NOM1: variants seen among roughly 807,000 people sequenced by gnomAD.
NOM1 encodes nucleolar protein with MIF4G domain 1.
NOM1 carries 58 observed loss-of-function variants against 73.3 expected under a neutral mutation model. The ratio of observed to expected loss-of-function variants is 0.79; its 90% confidence interval spans 0.64 to 0.99. The LOEUF is 0.99. NOM1 is among the 50% of genes least tolerant of loss of function. The pLI, the probability that NOM1 is intolerant of heterozygous loss-of-function variation, is 0.00. For synonymous variants in NOM1, 487 were observed against 446.8 expected, an observed-to-expected ratio of 1.09 and a Z score of -1.14; for missense variants, 1,226 against 1,131.9, an observed-to-expected ratio of 1.08 and a Z score of -1.19.
chr7:156,971,339 G>A lies in NOM1; in HGVS notation c.*1636G>A, dbSNP rs1006710402. 6.6e-6 allele frequency: 1 copy of A among 152,264 alleles called. No individual in the cohort carries two copies. Among genetic ancestry groups the A allele is most frequent in the African/African-American group, 2.4e-5 (1 of 41,468 alleles). 9.4% of individuals were successfully genotyped at this position (152,264 alleles called of 1,614,324 possible). A position where few individuals can be genotyped will look rare whatever the true frequency, so the allele number is the denominator to read the frequency against. On this transcript the variant is annotated 3_prime_UTR_variant, in exon 11 of 11. Transcript: ENST00000275820. Reference sequence around the variant, plus strand: ...TGGGCAGATGGGCACAGGTGCTGGTGATGCCTCTCCTGGGCAAAACGCCCC... The same window carrying A: ...TGGGCAGATGGGCACAGGTGCTGGTAATGCCTCTCCTGGGCAAAACGCCCC...
intron 3 of NOM1, among the ~76,000 whole-genome samples, chr7:156,955,693 C>T (rs980762883): frequency 6.6e-6 from 1 of 152,214 alleles, no homozygotes; most frequent in African/African-American, 2.4e-5. Context: ...GCAGGCAAAG[C>T]CGCTGAAGCG....
At chr7:156,966,844 A>T in intron 8 of NOM1, 117 bp from the exon 9 acceptor site, 1 of 1,117,854 alleles carries the variant, frequency 8.9e-7, no homozygotes, top group Non-Finnish European at 1.3e-6. Flanking sequence ...AAAAGTCTTG[A>T]TGTTTAGAAT....
At chr7:156,962,033 T>C (rs1804876013) in intron 4 of NOM1, 118 bp from the exon 5 acceptor site, 1 of 778,892 alleles carries the variant, frequency 1.3e-6, no homozygotes, top group Non-Finnish European at 2.3e-6. Context: ...CTGTCCTGAC[T>C]TTGTATCGTG....
At position 156,959,970 on chromosome 7, in the gene NOM1, C is replaced by T. The variant is rs1173827855; in HGVS notation, c.1428C>T (p.His476=). The T allele has an allele frequency of 2.5e-6, 4 of 1,613,486 alleles. No homozygotes were observed. The highest frequency in any genetic ancestry group is 2.5e-6 in the Non-Finnish European group (3 of 1,179,794). Residue 476 remains histidine, a synonymous_variant, in exon 4 of 11, where the codon CAC becomes CAT. Coordinates refer to ENST00000275820, the MANE Select transcript of NOM1 (RefSeq NM_138400.2). The part of the protein sequence containing the change: ...FTVIAHLYNF[H]VVQSLLIFDI... ...TCATTGCCCATTTATACAACTTCCA[C>T]GTGGTACAGTCTCTCCTCATCTTCG...
intron 3 of NOM1, among the ~76,000 whole-genome samples, chr7:156,957,285 A>G (rs977178561): frequency 2.6e-5 from 4 of 152,194 alleles, no homozygotes; most frequent in Non-Finnish European, 4.4e-5. Context: ...AAGTCCTTTA[A>G]AACTCAAAAA....
At chr7:156,969,464 C>A in intron 10 of NOM1, 65 bp from the exon 11 acceptor site, 1 of 1,376,690 alleles carries the variant, frequency 7.3e-7, no homozygotes, top group Non-Finnish European at 1.0e-6. Context: ...ATGCGAGATA[C>A]CCAGGATTGA....
At chr7:156,966,156 G>T in intron 7 of NOM1, 114 bp from the exon 8 acceptor site, 1 of 1,347,438 alleles carries the variant, frequency 7.4e-7, no homozygotes, top group Non-Finnish European at 1.0e-6. Context: ...CCTCCTTTAC[G>T]TGGCTCGCCT....
At chr7:156,952,675 A>G in intron 2 of NOM1, 77 bp downstream of exon 2, 1 of 1,480,130 alleles carries the variant, frequency 6.8e-7, no homozygotes, top group Non-Finnish European at 9.3e-7. Flanking sequence ...TATCCCAGCA[A>G]TTCAAATAGA....
chr7:156,950,492 A>C lies in NOM1; in HGVS notation c.755A>C (p.Glu252Ala). 1 of 1,613,986 alleles carries C rather than the reference A, an allele frequency of 6.2e-7. No homozygotes were observed. The highest frequency in any genetic ancestry group is 8.5e-7 in the Non-Finnish European group (1 of 1,179,886). ...CAGACACTCCCCGAAAGTGACTTAG[A>C]GAGTGACTCCCAGGACGAAAGTGAG... ...AGQTLPESDL[E>A]SDSQDESEEE... Residue 252 changes from glutamate (E) to alanine (A), a missense_variant, in exon 1 of 11, where the codon GAG becomes GCG. By Grantham distance (107) the Glu-to-Ala change is moderately radical. Coordinates refer to ENST00000275820, the MANE Select transcript of NOM1 (RefSeq NM_138400.2).
chr7:156,950,134 G>C lies in NOM1; in HGVS notation c.397G>C (p.Ala133Pro). 2.5e-6 allele frequency: 4 copies of C among 1,569,828 alleles called. No homozygotes were observed. The highest frequency in any genetic ancestry group is 3.4e-6 in the Non-Finnish European group (4 of 1,161,298). ...RQDTEERARP[A>P]PSRDPSPPRK... Reference sequence around the variant, plus strand: ...GGACACGGAGGAGCGCGCCCGCCCAGCCCCTAGTCGGGACCCCTCGCCTCC... The same window carrying C: ...GGACACGGAGGAGCGCGCCCGCCCACCCCCTAGTCGGGACCCCTCGCCTCC... Residue 133 changes from alanine to proline, a missense_variant, in exon 1 of 11, where the codon GCC (alanine) becomes CCC (proline). Ala to Pro is a conservative substitution (Grantham distance 27, BLOSUM62 -1). Transcript: ENST00000275820.
chr7:156,955,452 A>C (rs910308679), intron 3 of NOM1, among the ~76,000 whole-genome samples: 6 of 148,132 alleles, frequency 4.1e-5, no homozygotes, highest in Admixed American at 3.4e-4. Context: ...ATGCAAATGC[A>C]GTGTTTAACC....
intron 4 of NOM1, among the ~76,000 whole-genome samples, chr7:156,961,193 G>A (rs565691366): frequency 6.6e-6 from 1 of 152,282 alleles, no homozygotes; most frequent in African/African-American, 2.4e-5. Flanking sequence ...CAGGCAGGAG[G>A]GAGAGCTGGC....
chr7:156,952,363 C>G (rs1341871802), intron 1 of NOM1, 111 bp from the exon 2 acceptor site: 2 of 1,108,828 alleles, frequency 1.8e-6, no homozygotes, highest in African/African-American at 3.2e-5. Flanking sequence ...TGATCAGTAG[C>G]AGCTTCCACC....
chr7:156,968,950 T>C (rs1805073504), intron 9 of NOM1, 137 bp from the exon 10 acceptor site: 2 of 626,806 alleles, frequency 3.2e-6, no homozygotes, highest in South Asian at 3.5e-5. Context: ...TTCTTAGCTC[T>C]GGAAATAGCT....
intron 9 of NOM1, among the ~76,000 whole-genome samples, chr7:156,968,565 C>G (rs1805060633): frequency 6.6e-6 from 1 of 151,948 alleles, no homozygotes; most frequent in South Asian, 2.1e-4. Context: ...GGGTAGCATC[C>G]TACTGTATAC....
Position 156,952,557 on chromosome 7 carries a change from A to C in NOM1, c.1071A>C (p.Glu357Asp), listed in dbSNP as rs201919936. Residue 357 changes from glutamate (E) to aspartate (D), a missense_variant, in exon 2 of 11, where the codon GAA becomes GAC. Coordinates refer to ENST00000275820, the MANE Select transcript of NOM1 (RefSeq NM_138400.2). The part of the protein sequence containing the change: ...EETVDFKKKE[E>D]LERLKKHVKG... Reference sequence around the variant, plus strand: ...CAGTGGACTTCAAGAAAAAGGAAGAACTAGAAAGGCTGAAGAAACATGTAA... The same window carrying C: ...CAGTGGACTTCAAGAAAAAGGAAGACCTAGAAAGGCTGAAGAAACATGTAA... The C allele has an allele frequency of 6.2e-7, 1 of 1,614,186 alleles. No individual in the cohort carries two copies. Among genetic ancestry groups the C allele is most frequent in the Admixed American group, 1.7e-5 (1 of 60,028 alleles).
At chr7:156,967,331 G>T (rs1805022923) in intron 9 of NOM1, among the ~76,000 whole-genome samples, 1 of 152,206 alleles carries the variant, frequency 6.6e-6, no homozygotes, top group South Asian at 2.1e-4. Context: ...GTGTTTTGGA[G>T]CTTGAGGTTA....
intron 4 of NOM1, 42 bp from the exon 5 acceptor site, chr7:156,962,109 G>A (rs984500963): frequency 6.4e-7 from 1 of 1,556,638 alleles, no homozygotes; most frequent in African/African-American, 1.4e-5. Flanking sequence ...CGTTTAGACT[G>A]TTTGAAATGA....
At position 156,950,271 on chromosome 7, in the gene NOM1, G is replaced by C. The variant is rs61734937; in HGVS notation, c.534G>C (p.Ala178=). The change falls in exon 1 of 11, where the codon GCG becomes GCC. Residue 178 remains alanine (A), a synonymous_variant. Transcript: ENST00000275820. ...CCCGGAAACGGGCGCTTTTAGCGGC[G>C]AACGAGGAGGAGGACCGAGAGATCC... ...AAARKRALLA[A]NEEEDREIRK... 268,657 of 1,613,672 alleles carry C rather than the reference G, an allele frequency of 0.17. 24,488 individuals are homozygous for C. The highest frequency in any genetic ancestry group is 0.35 in the East Asian group (15,746 of 44,860).
Sources: gnomAD v4.1 joint callset for allele counts (sites outside exome capture counted in the v4.1 genomes callset) on GRCh38, gnomAD v4.1.1 for gene constraint, MANE v1.5 for transcripts, NCBI Gene and HGNC (gene_info 2026-07-23, HGNC 2026-07-21) for gene names.